The following TASP1 variants were observed in gnomAD, a reference collection of about 807,000 sequenced individuals.
TASP1 encodes taspase 1.
In TASP1, 16 loss-of-function variants were observed where a neutral mutation model predicts 56.6. The observed-to-expected ratio is 0.28, with a 90% CI of 0.19 to 0.43. The LOEUF (loss-of-function observed/expected upper bound fraction) is 0.43. Ranked by LOEUF, TASP1 falls within the 20% of genes least tolerant of loss-of-function variation. The pLI is 1.00. For missense variants in TASP1, 393 were observed against 511.6 expected, an observed-to-expected ratio of 0.77 and a Z score of 2.24; for synonymous variants, 179 against 184.2, an observed-to-expected ratio of 0.97 and a Z score of 0.23.
At chr20:13,364,763 T>C in the TASP1 span, among the ~76,000 whole-genome samples, 5 of 152,204 alleles carry the variant, frequency 3.3e-5, no homozygotes, top group African/African-American at 1.2e-4. Flanking sequence ...GTTAGATTGC[T>C]GTACCTACTG....
At chr20:13,417,594 A>G (rs1424220111) in intron 12 of TASP1, 73 bp from the exon 13 acceptor site, 39 of 1,521,488 alleles carry the variant, frequency 2.6e-5, no homozygotes, top group Non-Finnish European at 3.3e-5. Context: ...TTTTAATAGA[A>G]CAGTTAAAGA....
chr20:13,462,457 T>C (rs545508515), intron 11 of TASP1, among the ~76,000 whole-genome samples: 4 of 152,170 alleles, frequency 2.6e-5, no homozygotes, highest in African/African-American at 7.2e-5. Context: ...TTGATTTTGA[T>C]AGTAGTTTGA....
At chr20:13,241,430 A>T in the TASP1 span, among the ~76,000 whole-genome samples, 1 of 152,288 alleles carries the variant, frequency 6.6e-6, no homozygotes, top group Non-Finnish European at 1.5e-5. Flanking sequence ...ATGATGCAAA[A>T]CTGAGAGAGG....
chr20:13,395,764 C>T (rs568716204), intron 13 of TASP1, among the ~76,000 whole-genome samples: 3 of 150,580 alleles, frequency 2.0e-5, no homozygotes, highest in South Asian at 2.1e-4. Flanking sequence ...TGCAGTGGCG[C>T]GATCTCAGCT....
chr20:13,425,167 TGGAGCTCTGCTATATAAA>T, intron 12 of TASP1, among the ~76,000 whole-genome samples: 1 of 152,306 alleles, frequency 6.6e-6, no homozygotes, highest in Non-Finnish European at 1.5e-5. Flanking sequence ...TCAGTTTTGG[TGGAGCTCTGCTATATAAA>T]GCAGCCCTTA....
chr20:13,194,942 A>G, the TASP1 span, among the ~76,000 whole-genome samples: 4 of 152,166 alleles, frequency 2.6e-5, no homozygotes, highest in African/African-American at 9.6e-5. Flanking sequence ...GCATAGCTAC[A>G]TAGAGAGAGG....
chr20:13,131,089 C>T, the TASP1 span, among the ~76,000 whole-genome samples: 3 of 151,538 alleles, frequency 2.0e-5, no homozygotes, highest in African/African-American at 7.3e-5. Context: ...ACATAGCACA[C>T]ATAGCCTCAG....
chr20:13,544,723 T>C (rs2045745831), intron 8 of TASP1, among the ~76,000 whole-genome samples: 1 of 152,216 alleles, frequency 6.6e-6, no homozygotes, highest in African/African-American at 2.4e-5. Flanking sequence ...CAAAAACACC[T>C]AGCTATGGTC....
At chr20:13,113,196 A>G in the TASP1 span, among the ~76,000 whole-genome samples, 1 of 152,122 alleles carries the variant, frequency 6.6e-6, no homozygotes, top group Non-Finnish European at 1.5e-5. Context: ...AACAACAACA[A>G]CAAAAAATTA....
At chr20:13,353,109 A>T in the TASP1 span, among the ~76,000 whole-genome samples, 1 of 152,128 alleles carries the variant, frequency 6.6e-6, no homozygotes, top group South Asian at 2.1e-4. Flanking sequence ...CTTACTGGGC[A>T]CCTGTAGTCC....
At chr20:13,169,949 A>G in the TASP1 span, among the ~76,000 whole-genome samples, 1 of 152,224 alleles carries the variant, frequency 6.6e-6, no homozygotes, top group Non-Finnish European at 1.5e-5. Context: ...TTAAAAGATA[A>G]GTCTTCAGGA....
intron 13 of TASP1, among the ~76,000 whole-genome samples, chr20:13,415,748 A>T (rs1368172399): frequency 6.6e-6 from 1 of 152,162 alleles, no homozygotes; most frequent in Non-Finnish European, 1.5e-5. Context: ...TTCACGGGCC[A>T]CCAGCAAGGA....
intron 2 of TASP1, among the ~76,000 whole-genome samples, chr20:13,626,340 T>C (rs2048886259): frequency 6.6e-6 from 1 of 152,254 alleles, no homozygotes; most frequent in South Asian, 2.1e-4. Context: ...GGCACGGGAA[T>C]AGCTTGAACC....
intron 5 of TASP1, among the ~76,000 whole-genome samples, chr20:13,586,139 C>A (rs866539443): frequency 7.7e-6 from 1 of 130,592 alleles, no homozygotes; most frequent in Admixed American, 8.7e-5. Flanking sequence ...CGCACCACTG[C>A]ACTCCAGGCT....
intron 13 of TASP1, among the ~76,000 whole-genome samples, chr20:13,390,903 A>G (rs1255734293): frequency 6.6e-6 from 1 of 152,226 alleles, no homozygotes; most frequent in Non-Finnish European, 1.5e-5. Flanking sequence ...AAAGAATTTC[A>G]GTAGCTTACA....
intron 12 of TASP1, among the ~76,000 whole-genome samples, chr20:13,431,550 A>C (rs576538856): frequency 1.3e-5 from 2 of 152,316 alleles, no homozygotes; most frequent in East Asian, 1.9e-4. Context: ...AGATATAAGA[A>C]GGCAAATGTT....
chr20:13,366,560 A>G, the TASP1 span, among the ~76,000 whole-genome samples: 1 of 152,134 alleles, frequency 6.6e-6, no homozygotes, highest in Non-Finnish European at 1.5e-5. Flanking sequence ...AAAGATATTT[A>G]TTGTGATTAA....
chr20:13,358,812 C>T, the TASP1 span, among the ~76,000 whole-genome samples: 9 of 151,352 alleles, frequency 5.9e-5, no homozygotes, highest in East Asian at 3.9e-4. Context: ...CACGCAGGGA[C>T]GCCTGCCTTG....
chr20:13,378,098 A>G, the TASP1 span, among the ~76,000 whole-genome samples: 1 of 151,594 alleles, frequency 6.6e-6, no homozygotes, highest in Non-Finnish European at 1.5e-5. Context: ...GATCTTAGTT[A>G]TTTCTTTTCT....
Sources: allele counts gnomAD v4.1 joint callset (sites outside exome capture counted in the v4.1 genomes callset), GRCh38; gene constraint gnomAD v4.1.1; transcripts MANE v1.5; gene names NCBI Gene and HGNC (gene_info 2026-07-23, HGNC 2026-07-21).